ARHGEF16: variants seen among roughly 807,000 people sequenced by gnomAD.
ARHGEF16 encodes the protein Rho guanine exchange factor (GEF) 16.
ARHGEF16 carries 59 observed loss-of-function variants against 74.1 expected under a neutral mutation model. The ratio of observed to expected loss-of-function variants is 0.80; its 90% CI spans 0.65 to 0.99. ARHGEF16 has a LOEUF of 0.99. Among genes scored for constraint, ARHGEF16 ranks in the 50% least tolerant of loss-of-function variants. ARHGEF16 has a pLI of 0.00. For synonymous variants in ARHGEF16, 415 were observed against 412.6 expected, an observed-to-expected ratio of 1.01 and a Z score of -0.07; for missense variants, 948 against 986.6, an observed-to-expected ratio of 0.96 and a Z score of 0.52.
intron 1 of ARHGEF16, among the ~76,000 whole-genome samples, chr1:3,457,429 T>C (rs1639289462): frequency 6.6e-6 from 1 of 152,132 alleles, no homozygotes; most frequent in Non-Finnish European, 1.5e-5. Flanking sequence ...GGCAGCAAAC[T>C]TGGGGCAATT....
intron 10 of ARHGEF16, among the ~76,000 whole-genome samples, chr1:3,477,398 C>T (rs1467344614): frequency 2.5e-5 from 3 of 121,548 alleles, no homozygotes; most frequent in Non-Finnish European, 5.2e-5. Context: ...AACTCAGCAC[C>T]AGGCAGCAGG....
intron 2 of ARHGEF16, 79 bp downstream of exon 2, chr1:3,463,751 C>A: frequency 1.6e-6 from 2 of 1,213,710 alleles, no homozygotes; most frequent in South Asian, 2.8e-5. Flanking sequence ...CCACCGTCAT[C>A]TTCTGCATCA....
intron 1 of ARHGEF16, among the ~76,000 whole-genome samples, chr1:3,456,501 C>T (rs887342959): frequency 3.9e-5 from 6 of 152,242 alleles, no homozygotes; most frequent in Admixed American, 1.3e-4. Context: ...CCACTCCCCC[C>T]GGTCCCCATT....
rs1175011436 is a variant in ARHGEF16 at position 3,463,342 on chromosome 1, A to G, written c.258A>G (p.Gln86=). ...ESPAALKLGT[Q]QLIPKSLAVA... ...CGGCGGCCCTCAAGCTGGGCACCCA[A>G]CAGCTGATCCCTAAGAGCCTGGCTG... Residue 86 remains glutamine, a synonymous_variant, in exon 2 of 15, where the codon CAA becomes CAG. Coordinates refer to ENST00000378378, the MANE Select transcript of ARHGEF16 (RefSeq NM_014448.4). 4.5e-6 allele frequency: 7 copies of G among 1,550,106 alleles called. 1 individual carries two copies. The South Asian group carries it at 5.9e-5, about 13-fold the overall frequency.
intron 14 of ARHGEF16, 90 bp from the exon 15 acceptor site, chr1:3,480,357 TG>T: frequency 3.2e-6 from 5 of 1,543,084 alleles, no homozygotes; most frequent in Non-Finnish European, 4.4e-6. Flanking sequence ...AGGAGAAGCC[TG>T]GCCCTGGTGT....
chr1:3,464,237 G>A (rs1188802280), intron 2 of ARHGEF16, among the ~76,000 whole-genome samples: 2 of 152,246 alleles, frequency 1.3e-5, no homozygotes, highest in South Asian at 2.1e-4. Context: ...TGGGCAGGGT[G>A]TAGCCTGACT....
chr1:3,474,660 C>A, intron 8 of ARHGEF16, 48 bp from the exon 9 acceptor site: 4 of 1,574,724 alleles, frequency 2.5e-6, no homozygotes, highest in Non-Finnish European at 3.5e-6. Context: ...GCCTCCACAC[C>A]TGGGATGCCA....
intron 1 of ARHGEF16, among the ~76,000 whole-genome samples, chr1:3,460,652 G>C (rs1042382944): frequency 6.6e-6 from 1 of 152,142 alleles, no homozygotes; most frequent in South Asian, 2.1e-4. Flanking sequence ...TTTCTCGGCC[G>C]GGCCTGGGTA....
chr1:3,467,611 C>T lies in ARHGEF16; in HGVS notation c.804+274C>T, dbSNP rs182460469. 2.5e-3 allele frequency among the ~76,000 whole-genome samples: 388 copies of T among 152,304 alleles called. 3 individuals are homozygous for T. The highest frequency in any genetic ancestry group is 3.4e-3 in the Middle Eastern group (1 of 294). On this transcript the variant is annotated intron_variant, in intron 4 of 14. Coordinates refer to ENST00000378378, the MANE Select transcript of ARHGEF16 (RefSeq NM_014448.4). ...AGACTACCCTTCAGGGAGCTGCGGG[C>T]GCCAGGAGTCCCTTCCCAGGGCCCC... is the stretch of plus-strand genomic sequence containing the variant.
chr1:3,454,973 C>T (rs974523929), intron 1 of ARHGEF16, among the ~76,000 whole-genome samples, 162 bp downstream of exon 1: 2 of 152,138 alleles, frequency 1.3e-5, no homozygotes, highest in African/African-American at 4.8e-5. Flanking sequence ...ACTTCGCGAC[C>T]CTCCTGGGGC....
At chr1:3,459,948 G>T (rs1639353849) in intron 1 of ARHGEF16, among the ~76,000 whole-genome samples, 1 of 152,226 alleles carries the variant, frequency 6.6e-6, no homozygotes, top group South Asian at 2.1e-4. Flanking sequence ...CCAGAGCAGT[G>T]GCCTCCGGGG....
In ARHGEF16 at chr1:3,460,865, G is replaced by A. The variant is rs913846709; in HGVS notation, c.-19-2201G>A. 2.6e-5 allele frequency among the ~76,000 whole-genome samples: 4 copies of A among 152,126 alleles called. No homozygotes were observed. In the East Asian group the frequency reaches 5.8e-4, roughly 22 times the overall value. On this transcript the variant is annotated intron_variant, in intron 1 of 14. Coordinates refer to ENST00000378378, the MANE Select transcript of ARHGEF16 (RefSeq NM_014448.4). The stretch of plus-strand genomic sequence containing the variant: ...TCCCTGGGGCCTGGGAGGCTCAGCC[G>A]CACGTGCCTTCCTGGGATGGTTTTA...
At chr1:3,458,582 A>G (rs1486243434) in intron 1 of ARHGEF16, among the ~76,000 whole-genome samples, 1 of 152,220 alleles carries the variant, frequency 6.6e-6, no homozygotes, top group Non-Finnish European at 1.5e-5. Context: ...TCCCGGTCAG[A>G]CACCTGTGCT....
At chr1:3,468,172 C>T (rs1283973557) in intron 4 of ARHGEF16, among the ~76,000 whole-genome samples, 2 of 152,192 alleles carry the variant, frequency 1.3e-5, no homozygotes, top group African/African-American at 4.8e-5. Context: ...CAGTACCGCA[C>T]CCTGGTAACT....
chr1:3,467,021 C>T (rs1639565089), intron 3 of ARHGEF16, 147 bp from the exon 4 acceptor site: 2 of 817,624 alleles, frequency 2.4e-6, no homozygotes, highest in Admixed American at 2.9e-5. Flanking sequence ...GACTGGTGCC[C>T]AGCCTGGGGC....
intron 6 of ARHGEF16, among the ~76,000 whole-genome samples, chr1:3,470,465 G>A (rs956113865): frequency 2.0e-5 from 3 of 150,532 alleles, no homozygotes; most frequent in African/African-American, 7.3e-5. Flanking sequence ...GTGCGCGGGT[G>A]TGTGCATGGA....
At chr1:3,478,111 G>C in intron 11 of ARHGEF16, 85 bp downstream of exon 11, 3 of 1,557,606 alleles carry the variant, frequency 1.9e-6, no homozygotes, top group Non-Finnish European at 2.6e-6. Flanking sequence ...ACAGGGAGTT[G>C]GCCCTGAGCC....
In ARHGEF16 at chr1:3,463,403, AG is replaced by A; in HGVS notation, c.320del (p.Ser107ThrfsTer39). On this transcript the variant is annotated frameshift_variant, in exon 2 of 15. Transcript: ENST00000378378. LOFTEE classifies it high-confidence loss of function. The stretch of plus-strand genomic sequence containing the variant: ...GGCAAAGACCCCAGCCCGCCACCAG[AG>A]CTTCGGGGCGGCTGTACTTAGCAGG... ...SKAKTPARHQSFGAAVLSREA... is the reference protein window; with the variant it reads ...SKAKTPARHQXFGAAVLSREA... 2 of 1,550,086 alleles carry A rather than the reference AG, an allele frequency of 1.3e-6. No homozygotes were observed. The highest frequency in any genetic ancestry group is 1.7e-6 in the Non-Finnish European group (2 of 1,146,846).
intron 2 of ARHGEF16, among the ~76,000 whole-genome samples, chr1:3,465,640 C>T (rs1569849541): frequency 6.6e-6 from 1 of 152,318 alleles, no homozygotes; most frequent in Non-Finnish European, 1.5e-5. Flanking sequence ...GTGTCCCAGC[C>T]GAGGAGGGTG....
Sources: gnomAD v4.1 joint callset for allele counts (sites outside exome capture counted in the v4.1 genomes callset) on GRCh38, gnomAD v4.1.1 for gene constraint, MANE v1.5 for transcripts, NCBI Gene and HGNC (gene_info 2026-07-23, HGNC 2026-07-21) for gene names.